Variants in NLGN1 observed in about 807,000 individuals in gnomAD.
The protein encoded by NLGN1 is neuroligin-1.
NLGN1 carries 12 observed loss-of-function variants against 65.5 expected under a neutral mutation model. The observed-to-expected ratio is 0.18, with a 90% CI of 0.12 to 0.30. The LOEUF (loss-of-function observed/expected upper bound fraction) is 0.30. Among genes scored for constraint, NLGN1 ranks in the 10% least tolerant of loss-of-function variants. The pLI is 1.00. For synonymous variants in NLGN1, 350 were observed against 359.5 expected (o/e 0.97, Z 0.30); for missense variants, 750 against 1,007.1 (o/e 0.74, Z 3.46).
intron 4 of NLGN1, among the ~76,000 whole-genome samples, chr3:173,837,834 T>C (rs1031587188): frequency 5.3e-5 from 8 of 152,064 alleles, no homozygotes; most frequent in African/African-American, 1.9e-4. Context: ...GTCAGTGCAG[T>C]TGGAGGGAAG....
In NLGN1 at chr3:174,064,349, A is replaced by G. The variant is rs190085910; in HGVS notation, c.647-210966A>G. Among the ~76,000 whole-genome samples the G allele has an allele frequency of 3.5e-3, 526 of 152,178 alleles. 2 individuals carry two copies. The highest frequency in any genetic ancestry group is 0.011 in the African/African-American group (462 of 41,544). ...ACTTGACAGGTGAAAGAGTAGAAAA[A>G]GGAAAAGGAAAATAATTCGGAATAT... On this transcript the variant is annotated intron_variant, in intron 4 of 6. Coordinates refer to ENST00000457714, the Ensembl canonical transcript of NLGN1.
chr3:173,484,013 G>A (rs1406105408), intron 2 of NLGN1, among the ~76,000 whole-genome samples: 1 of 152,084 alleles, frequency 6.6e-6, no homozygotes, highest in East Asian at 1.9e-4. Flanking sequence ...CTTGATGCTA[G>A]TAGATTCAAA....
chr3:173,630,132 T>G lies in NLGN1; in HGVS notation c.493+25041T>G, dbSNP rs994300771. The stretch of plus-strand genomic sequence containing the variant: ...CAAAATCAGAGCCAGTAAGTGTAAT[T>G]GGGAAAGTAAGCTATTTTAGAAGTT... On this transcript the variant is annotated intron_variant, in intron 3 of 6. Transcript: ENST00000457714. Among the ~76,000 whole-genome samples the G allele has an allele frequency of 2.0e-5, 3 of 152,228 alleles. No homozygotes were observed. In the South Asian group the frequency reaches 6.2e-4, roughly 32 times the overall value.
At chr3:173,661,128 G>T (rs933517735) in intron 3 of NLGN1, among the ~76,000 whole-genome samples, 1 of 152,004 alleles carries the variant, frequency 6.6e-6, no homozygotes. Flanking sequence ...GGAGGGAAAT[G>T]AACTAATGAA....
chr3:173,724,150 A>C (rs1771359436), intron 3 of NLGN1, among the ~76,000 whole-genome samples: 1 of 152,212 alleles, frequency 6.6e-6, no homozygotes, highest in African/African-American at 2.4e-5. Context: ...AATGAGTCTA[A>C]AGTTCACAGA....
downstream of NLGN1, among the ~76,000 whole-genome samples, chr3:174,291,016 A>T (rs1382336482): frequency 6.6e-6 from 1 of 150,910 alleles, no homozygotes; most frequent in Non-Finnish European, 1.5e-5. Flanking sequence ...AGAAAGAATT[A>T]TAAATAAAAG....
chr3:173,834,816 C>T (rs1723278301), intron 4 of NLGN1, among the ~76,000 whole-genome samples: 1 of 152,138 alleles, frequency 6.6e-6, no homozygotes, highest in African/African-American at 2.4e-5. Context: ...CTGTATTTAT[C>T]TCTATGTAAT....
At chr3:174,246,407 G>C (rs995337295) in intron 4 of NLGN1, among the ~76,000 whole-genome samples, 1 of 152,180 alleles carries the variant, frequency 6.6e-6, no homozygotes, top group East Asian at 1.9e-4. Context: ...AAACTTACTA[G>C]GATGACCCTA....
rs184601551 is a variant in NLGN1 at position 173,752,696 on chromosome 3, C to G, written c.494-54984C>G. On this transcript the variant is annotated intron_variant, in intron 3 of 6. Coordinates refer to ENST00000457714, the Ensembl canonical transcript of NLGN1. ...CACTAAACATGGCAGGAAAACTAAA[C>G]CACATTGAATGGGTCACCACTTTAA... Among the ~76,000 whole-genome samples the G allele has an allele frequency of 4.6e-4, 70 of 152,162 alleles. 1 individual carries two copies. The highest frequency in any genetic ancestry group is 1.5e-3 in the African/African-American group (63 of 41,526).
intron 2 of NLGN1, among the ~76,000 whole-genome samples, chr3:173,546,802 C>T (rs1253419598): frequency 6.6e-6 from 1 of 152,094 alleles, no homozygotes; most frequent in Non-Finnish European, 1.5e-5. Context: ...GAGCAGTGTC[C>T]ACCAATGTTC....
intron 3 of NLGN1, among the ~76,000 whole-genome samples, chr3:173,610,907 G>A (rs1171303200): frequency 6.6e-6 from 1 of 151,922 alleles, no homozygotes; most frequent in Non-Finnish European, 1.5e-5. Flanking sequence ...GTTACGGTAG[G>A]TTAAGATAGA....
chr3:173,624,188 A>T (rs1560068914), intron 3 of NLGN1, among the ~76,000 whole-genome samples: 2 of 152,106 alleles, frequency 1.3e-5, no homozygotes, highest in East Asian at 3.9e-4. Flanking sequence ...CTTGTGTGAG[A>T]TGAAGGTTTG....
At chr3:174,292,447 A>C in the NLGN1 span, among the ~76,000 whole-genome samples, 3 of 151,398 alleles carry the variant, frequency 2.0e-5, no homozygotes, top group Admixed American at 1.3e-4. Flanking sequence ...CGACAGTGTG[A>C]GCATCAATAA....
intron 4 of NLGN1, among the ~76,000 whole-genome samples, chr3:173,963,877 G>A (rs767823501): frequency 6.6e-6 from 1 of 152,122 alleles, no homozygotes; most frequent in African/African-American, 2.4e-5. Flanking sequence ...AATGGTAGGT[G>A]GGTAGGTGAG....
intron 4 of NLGN1, among the ~76,000 whole-genome samples, chr3:174,113,607 G>A (rs1055678430): frequency 6.6e-6 from 1 of 151,908 alleles, no homozygotes; most frequent in Non-Finnish European, 1.5e-5. Flanking sequence ...CCATTCATTA[G>A]CTGTGTGTCT....
Position 173,701,380 on chromosome 3 carries a change from G to C in NLGN1, c.493+96289G>C, listed in dbSNP as rs1440307168. ...AGGCAAGAGGTTCAGAATCAGAGAA[G>C]GAAATGTGATGAGGGAAGCAAAACT... On this transcript the variant is annotated intron_variant, in intron 3 of 6. Transcript: ENST00000457714. Among the ~76,000 whole-genome samples, 3 of 152,088 alleles carry C rather than the reference G, an allele frequency of 2.0e-5. No individual in the cohort carries two copies. The East Asian group carries it at 5.8e-4, about 29-fold the overall frequency.
At chr3:174,289,305 AGAT>A (rs1188275627), downstream of NLGN1, among the ~76,000 whole-genome samples, 2 of 151,400 alleles carry the variant, frequency 1.3e-5, no homozygotes, top group African/African-American at 4.8e-5. Context: ...GTTGTTTAAA[AGAT>A]TATTATTAAG....
intron 4 of NLGN1, among the ~76,000 whole-genome samples, chr3:174,183,362 T>C (rs916687398): frequency 6.6e-6 from 1 of 152,142 alleles, no homozygotes; most frequent in African/African-American, 2.4e-5. Flanking sequence ...TTTGCAAGGA[T>C]CTGAATCTCA....
At chr3:173,677,554 C>A (rs1421455600) in intron 3 of NLGN1, among the ~76,000 whole-genome samples, 2 of 152,026 alleles carry the variant, frequency 1.3e-5, no homozygotes, top group Non-Finnish European at 2.9e-5. Context: ...AGTTTCTTCA[C>A]AGATGAGCAG....
Sources: gnomAD v4.1 joint callset for allele counts (sites outside exome capture counted in the v4.1 genomes callset) on GRCh38, gnomAD v4.1.1 for gene constraint, MANE v1.5 for transcripts, NCBI Gene and HGNC (gene_info 2026-07-23, HGNC 2026-07-21) for gene names.